C1QTNF3: variants seen among roughly 807,000 people sequenced by gnomAD.
The protein encoded by C1QTNF3 is complement C1q tumor necrosis factor-related protein 3.
In C1QTNF3, 26 loss-of-function variants were observed where a neutral mutation model predicts 32.6. The ratio of observed to expected loss-of-function variants is 0.80; its 90% CI spans 0.58 to 1.11. The LOEUF is 1.11. Among genes scored for constraint, C1QTNF3 ranks in the 50% least tolerant of loss-of-function variants. The pLI is 0.00. For synonymous variants in C1QTNF3, 155 were observed against 146.0 expected (o/e 1.06, Z -0.44); for missense variants, 362 against 398.2 (o/e 0.91, Z 0.77).
the C1QTNF3 span, chr5:34,158,600 T>C: frequency 1.3e-5 from 2 of 152,152 alleles, no homozygotes; most frequent in Admixed American, 6.5e-5. Flanking sequence ...ATAATAATTA[T>C]GTAGTTTCCT....
chr5:34,106,375 A>G, the C1QTNF3 span: 8 of 151,870 alleles, frequency 5.3e-5, no homozygotes, highest in East Asian at 5.8e-4. Context: ...GTCAGAGGCA[A>G]CTGGCTATTA....
intron 5 of C1QTNF3, among the ~76,000 whole-genome samples, chr5:34,023,274 TG>T (rs1211275634): frequency 1.3e-5 from 2 of 152,180 alleles, no homozygotes; most frequent in African/African-American, 4.8e-5. Context: ...TTTCTCAACC[TG>T]GAACTCTTGC....
At chr5:34,134,310 TCTA>T in the C1QTNF3 span, among the ~76,000 whole-genome samples, 1 of 152,018 alleles carries the variant, frequency 6.6e-6, no homozygotes, top group Non-Finnish European at 1.5e-5. Flanking sequence ...AGTCATAACA[TCTA>T]TACAAGTATT....
At chr5:34,075,889 GT>G in the C1QTNF3 span, among the ~76,000 whole-genome samples, 1 of 150,772 alleles carries the variant, frequency 6.6e-6, no homozygotes, top group African/African-American at 2.5e-5. Flanking sequence ...GTGTGTGTGT[GT>G]GTGTGTGTGT....
At chr5:34,116,223 T>C in the C1QTNF3 span, among the ~76,000 whole-genome samples, 11 of 152,258 alleles carry the variant, frequency 7.2e-5, no homozygotes, top group East Asian at 2.1e-3. Flanking sequence ...GGTTGAAGAA[T>C]ATAATTTGTA....
At chr5:34,091,475 CTATTTAT>C in the C1QTNF3 span, among the ~76,000 whole-genome samples, 1 of 152,142 alleles carries the variant, frequency 6.6e-6, no homozygotes, top group African/African-American at 2.4e-5. Flanking sequence ...TTGTTTTTTA[CTATTTAT>C]AACCTCTTCA....
the C1QTNF3 span, among the ~76,000 whole-genome samples, chr5:34,052,266 T>C: frequency 6.6e-6 from 1 of 152,238 alleles, no homozygotes; most frequent in African/African-American, 2.4e-5. Context: ...CTAGATATGT[T>C]CTTTCCCCTA....
the C1QTNF3 span, among the ~76,000 whole-genome samples, chr5:34,137,652 A>C: frequency 1.7e-4 from 26 of 152,370 alleles, no homozygotes; most frequent in African/African-American, 6.3e-4. Context: ...GTACACTAAA[A>C]TTCATGTGTT....
At chr5:34,138,702 C>A in the C1QTNF3 span, among the ~76,000 whole-genome samples, 1 of 152,118 alleles carries the variant, frequency 6.6e-6, no homozygotes, top group African/African-American at 2.4e-5. Flanking sequence ...ACAGCTGAAT[C>A]TTTGAGGTAC....
At chr5:34,162,221 G>C in the C1QTNF3 span, among the ~76,000 whole-genome samples, 1 of 152,126 alleles carries the variant, frequency 6.6e-6, no homozygotes. Flanking sequence ...AGCAATGGCA[G>C]GTGAGTGCCT....
the C1QTNF3 span, among the ~76,000 whole-genome samples, chr5:34,213,786 C>CATATATATACATATATATAT: frequency 6.5e-5 from 1 of 15,462 alleles, no homozygotes; most frequent in Non-Finnish European, 1.2e-4. Flanking sequence ...TGTATATATA[C>CATATATATACATATATATAT]ATATATATAT....
At chr5:34,198,062 C>T in the C1QTNF3 span, among the ~76,000 whole-genome samples, 2 of 131,456 alleles carry the variant, frequency 1.5e-5, no homozygotes, top group East Asian at 2.3e-4. Flanking sequence ...GGTGAAACCC[C>T]GTCTCTACTA....
At position 34,020,447 on chromosome 5, in the gene C1QTNF3, G is replaced by T; in HGVS notation, c.*136C>A. On this transcript the variant is annotated 3_prime_UTR_variant, in exon 6 of 6. Transcript: ENST00000382065. ...ATTGTCCAACATTATTGGTGTACCT[G>T]TAGCGTGAACAACATTGCAACCAAT... 9.9e-7 allele frequency: 1 copy of T among 1,012,416 alleles called. No homozygotes were observed. The highest frequency in any genetic ancestry group is 1.5e-6 in the Non-Finnish European group (1 of 679,592). The allele number at this position is 1,012,416 out of a possible 1,614,324, so 62.7% of individuals were successfully genotyped here.
the C1QTNF3 span, chr5:34,167,335 G>A: frequency 5.3e-5 from 8 of 152,140 alleles, no homozygotes; most frequent in Non-Finnish European, 1.0e-4. Context: ...CAAGCTTAAT[G>A]CATCATCTTA....
the C1QTNF3 span, among the ~76,000 whole-genome samples, chr5:34,056,473 TATATATAGAGAGAGAGAGAGAGAGAG>T: frequency 1.2e-4 from 13 of 106,984 alleles, no homozygotes; most frequent in African/African-American, 4.9e-4. Flanking sequence ...TATATATATA[TATATATAGAGAGAGAGAGAGAGAGAG>T]AGAGAGAGAG....
the C1QTNF3 span, among the ~76,000 whole-genome samples, chr5:34,163,611 C>T: frequency 6.6e-6 from 1 of 151,898 alleles, no homozygotes; most frequent in African/African-American, 2.4e-5. Flanking sequence ...GATTATCATC[C>T]AAAGGCTATG....
the C1QTNF3 span, among the ~76,000 whole-genome samples, chr5:34,227,980 T>C: frequency 3.6e-5 from 5 of 140,628 alleles, no homozygotes; most frequent in Non-Finnish European, 7.5e-5. Flanking sequence ...AGAAAATCCT[T>C]TTTTTTTTTT....
the C1QTNF3 span, chr5:34,167,692 T>C: frequency 1.3e-5 from 2 of 152,192 alleles, no homozygotes; most frequent in Non-Finnish European, 2.9e-5. Context: ...GAGGAACATA[T>C]ACAACCCAAA....
chr5:34,024,680 A>C (rs1322590916), intron 4 of C1QTNF3, among the ~76,000 whole-genome samples: 1 of 152,230 alleles, frequency 6.6e-6, no homozygotes. Flanking sequence ...AAAAGATTTG[A>C]GTTTTTTAAT....
Sources: allele counts gnomAD v4.1 joint callset (sites outside exome capture counted in the v4.1 genomes callset), GRCh38; gene constraint gnomAD v4.1.1; transcripts MANE v1.5; gene names NCBI Gene and HGNC (gene_info 2026-07-23, HGNC 2026-07-21).